DOCK6: variants seen among roughly 807,000 people sequenced by gnomAD.
The protein encoded by DOCK6 is dedicator of cytokinesis protein 6.
A neutral mutation model predicts 230.3 loss-of-function variants in DOCK6; 167 were observed. The ratio of observed to expected loss-of-function variants is 0.73; its 90% CI spans 0.64 to 0.82. DOCK6 has a LOEUF of 0.82. Ranked by LOEUF, DOCK6 falls within the 40% of genes least tolerant of loss-of-function variation. DOCK6 has a pLI of 0.00. For synonymous variants in DOCK6, 1,148 were observed against 1,185.0 expected (o/e 0.97, Z 0.64); for missense variants, 2,598 against 2,825.8 (o/e 0.92, Z 1.83).
chr19:11,241,421 A>C (rs1441638165), intron 14 of DOCK6: 1 of 1,490,016 alleles, frequency 6.7e-7, no homozygotes, highest in East Asian at 2.5e-5. Flanking sequence ...CTGTCGGCTG[A>C]GGTTTCCATT....
At chr19:11,260,885 A>AAAAAAAAAAAAAAAAAAAAAAAAAG (rs1555698780) in intron 1 of DOCK6, among the ~76,000 whole-genome samples, 1 of 127,264 alleles carries the variant, frequency 7.9e-6, no homozygotes, top group Non-Finnish European at 1.6e-5. Context: ...TCTGTCTCAA[A>AAAAAAAAAAAAAAAAAAAAAAAAAG]AAAAAAAAAA....
rs8113582 is a variant in DOCK6, at chr19:11,252,470, A to T, written c.377+12T>A. On this transcript the variant is annotated intron_variant, in intron 4 of 47. Coordinates refer to ENST00000294618, the MANE Select transcript of DOCK6 (RefSeq NM_020812.4). ...TTCCGAACCCCCTGAGCTGCCCCTA[A>T]GTCAGACTCACCTTCTGTGGACAAT... 0.73 allele frequency: 1,171,274 copies of T among 1,613,360 alleles called. 434,794 individuals carry two copies. Among genetic ancestry groups the T allele is most frequent in the Middle Eastern group, 0.78 (4,699 of 6,060 alleles).
At chr19:11,206,094 G>A (rs2079255621) in intron 39 of DOCK6, 2 of 152,148 alleles carry the variant, frequency 1.3e-5, no homozygotes, top group South Asian at 4.1e-4. Flanking sequence ...CAAAATGTGA[G>A]GAACTGAGAA....
chr19:11,243,210 A>T lies in DOCK6; in HGVS notation c.1386+48T>A, dbSNP rs1478912501. The T allele has an allele frequency of 1.9e-6, 3 of 1,613,456 alleles. No homozygotes were observed. Among genetic ancestry groups the T allele is most frequent in the Middle Eastern group, 1.7e-4 (1 of 6,060 alleles). On this transcript the variant is annotated intron_variant, in intron 12 of 47. Transcript: ENST00000294618. This position sits in a 1 kb window ranked among gnomAD's most constrained non-coding sequence, Gnocchi z 6.3. ...AGGGGGCTAGGGGTCCCCAGGGCTA[A>T]TGCAGCCAGCGGGGAGTGGGAGAGT...
rs756004393 is a variant in DOCK6, at chr19:11,252,883, C to T, written c.208G>A (p.Gly70Arg). 1.4e-5 allele frequency: 23 copies of T among 1,613,620 alleles called. No homozygotes were observed. The Admixed American group carries it at 1.5e-4, about 11-fold the overall frequency. Residue 70 changes from glycine (G) to arginine (R), a missense_variant, in exon 3 of 48, where the codon GGG becomes AGG. Gly to Arg is a moderately radical substitution (Grantham distance 125, BLOSUM62 -2). Transcript: ENST00000294618. ...LLSRPPDAEP[G>R]PLRDLVEFPA... ...AATTCTACCAGGTCCCTGAGGGGCC[C>T]GGGCTCAGCATCTGGTGGCCGGCTC...
At position 11,214,339 on chromosome 19, in the gene DOCK6, C is replaced by T. The variant is rs1460868126; in HGVS notation, c.4274G>A (p.Gly1425Asp). The T allele has an allele frequency of 1.2e-6, 2 of 1,613,670 alleles. No homozygotes were observed. The highest frequency in any genetic ancestry group is 3.3e-5 in the Admixed American group (2 of 60,012). The stretch of plus-strand genomic sequence containing the variant: ...CAAGAAGAGGGCACTCTGGGCACTG[C>T]CCAGGCTGTACAGCACAACCTTCAG... ...AVLKVVLYSL[G>D]SAQSALFLQH... Residue 1425 changes from glycine to aspartate, a missense_variant, in exon 34 of 48, where the codon GGC (glycine) becomes GAC (aspartate). Transcript: ENST00000294618.
At chr19:11,251,200 T>C in intron 5 of DOCK6, 114 bp from the exon 6 acceptor site, 1 of 1,108,054 alleles carries the variant, frequency 9.0e-7, no homozygotes, top group Non-Finnish European at 1.3e-6. Flanking sequence ...GGTCAGGGGG[T>C]GAGGGTCATC....
intron 39 of DOCK6, chr19:11,208,453 G>C: frequency 2.3e-6 from 1 of 427,138 alleles, no homozygotes. Flanking sequence ...GCTAATTTTT[G>C]TATTTTTAGT....
intron 39 of DOCK6, 64 bp from the exon 40 acceptor site, chr19:11,204,395 A>G: frequency 6.3e-7 from 1 of 1,577,476 alleles, no homozygotes; most frequent in East Asian, 2.3e-5. Context: ...GCTCCTGTCT[A>G]CCCATCTCCC....
At chr19:11,211,914 T>C (rs781018362) in intron 36 of DOCK6, 38 bp from the exon 37 acceptor site, 4 of 1,561,042 alleles carry the variant, frequency 2.6e-6, no homozygotes, top group South Asian at 1.2e-5. Context: ...ATGAGAGCAT[T>C]AGGAAGTGAA....
In DOCK6 at chr19:11,208,976, C is replaced by G. The variant is rs781401035; in HGVS notation, c.4879G>C (p.Val1627Leu). 6.2e-6 allele frequency: 10 copies of G among 1,606,390 alleles called. No homozygotes were observed. Among genetic ancestry groups the G allele is most frequent in the Middle Eastern group, 1.7e-4 (1 of 6,042 alleles). The part of the protein sequence containing the change: ...AQCMVHAAAL[V>L]AEYLALLEDH... ...TCGAGCAGGGCGAGGTACTCAGCCA[C>G]GAGGGCGGCCGCGTGCACCATGCAC... The change falls in exon 38 of 48, where the codon GTG (valine) becomes CTG (leucine). Residue 1627 changes from valine (V) to leucine (L), a missense_variant. Physicochemically the swap from Val to Leu is conservative, Grantham distance 32. Coordinates refer to ENST00000294618, the MANE Select transcript of DOCK6 (RefSeq NM_020812.4).
At chr19:11,209,901 A>C (rs1232508641) in intron 37 of DOCK6, among the ~76,000 whole-genome samples, 4 of 60,100 alleles carry the variant, frequency 6.7e-5, no homozygotes, top group African/African-American at 1.5e-4. Context: ...TCACCTGTCC[A>C]CCCCCTCAAC....
chr19:11,229,690 C>G (rs2079732687), intron 22 of DOCK6, among the ~76,000 whole-genome samples: 1 of 151,752 alleles, frequency 6.6e-6, no homozygotes, highest in Non-Finnish European at 1.5e-5. Flanking sequence ...CTGGAGAGAG[C>G]TGGGTGAGTC....
intron 6 of DOCK6, 62 bp downstream of exon 6, chr19:11,250,812 T>C: frequency 6.7e-7 from 1 of 1,488,900 alleles, no homozygotes; most frequent in Non-Finnish European, 9.2e-7. Context: ...TGAATAAACA[T>C]GAAGTATACA....
chr19:11,246,464 G>A (rs1268595331), intron 7 of DOCK6, among the ~76,000 whole-genome samples: 1 of 152,064 alleles, frequency 6.6e-6, no homozygotes, highest in Non-Finnish European at 1.5e-5. Flanking sequence ...TGCCCAGGCT[G>A]AAGTGCGTGG....
At chr19:11,227,292 T>A (rs778446706) in intron 24 of DOCK6, 45 bp downstream of exon 24, 4 of 1,602,142 alleles carry the variant, frequency 2.5e-6, no homozygotes, top group African/African-American at 2.7e-5. Context: ...TGGCTCTATG[T>A]CCTCCCTCAG....
chr19:11,229,640 G>C (rs1599243941), intron 22 of DOCK6, among the ~76,000 whole-genome samples: 1 of 152,062 alleles, frequency 6.6e-6, no homozygotes, highest in Non-Finnish European at 1.5e-5. Flanking sequence ...TGCTGTGGGA[G>C]TAGACGGGGC....
chr19:11,230,591 G>A (rs369849514), intron 22 of DOCK6, among the ~76,000 whole-genome samples: 1 of 125,620 alleles, frequency 8.0e-6, no homozygotes, highest in Admixed American at 8.1e-5. Flanking sequence ...GAGTGTGACC[G>A]AGTCAGTGAG....
chr19:11,222,725 G>A lies in DOCK6; in HGVS notation c.3240+10C>T, dbSNP rs1478730087. ...GTCAAAGAGAGGAGGCAGAAGTGAAGGCAGCCCACCTGGGAGGTGGTGGAG... is the reference window on the plus strand; with the variant it reads ...GTCAAAGAGAGGAGGCAGAAGTGAAAGCAGCCCACCTGGGAGGTGGTGGAG... On this transcript the variant is annotated intron_variant, in intron 26 of 47. Transcript: ENST00000294618. The surrounding 1 kb of genome is among the most constrained non-coding windows in gnomAD (Gnocchi z 4.0). The A allele has an allele frequency of 5.8e-6, 9 of 1,560,438 alleles. No homozygotes were observed. The East Asian group carries it at 1.9e-4, about 33-fold the overall frequency.
Sources: gnomAD v4.1 joint callset for allele counts (sites outside exome capture counted in the v4.1 genomes callset) on GRCh38, gnomAD v4.1.1 for gene constraint, Gnocchi (gnomAD v3.1) non-coding constraint, MANE v1.5 for transcripts, NCBI Gene and HGNC (gene_info 2026-07-23, HGNC 2026-07-21) for gene names.